Variants in PSD3 observed in about 807,000 individuals in gnomAD.
PSD3 encodes pleckstrin and Sec7 domain containing 3, also known as PH and SEC7 domain-containing protein 3.
A neutral mutation model predicts 105.5 loss-of-function variants in PSD3; 49 were observed. The ratio of observed to expected loss-of-function variants is 0.46; its 90% CI spans 0.37 to 0.59. The LOEUF (loss-of-function observed/expected upper bound fraction) is 0.59. Among genes scored for constraint, PSD3 ranks in the 20% least tolerant of loss-of-function variants. The pLI, the probability that PSD3 is intolerant of heterozygous loss-of-function variation, is 0.00. For synonymous variants in PSD3, 557 were observed against 457.8 expected, an observed-to-expected ratio of 1.22 and a Z score of -2.77; for missense variants, 1,561 against 1,263.8, an observed-to-expected ratio of 1.24 and a Z score of -3.57.
intron 1 of PSD3, among the ~76,000 whole-genome samples, chr8:19,048,283 C>T (rs751259518): frequency 6.6e-6 from 1 of 152,046 alleles, no homozygotes; most frequent in East Asian, 1.9e-4. Context: ...GAGTCCTGGC[C>T]GACATATCAA....
At chr8:18,784,007 T>A (rs373088651) in intron 8 of PSD3, among the ~76,000 whole-genome samples, 9 of 152,366 alleles carry the variant, frequency 5.9e-5, no homozygotes, top group African/African-American at 1.9e-4. Flanking sequence ...AGGAGTATAT[T>A]GTATGACTAC....
chr8:18,948,501 A>C (rs1823001615), intron 1 of PSD3, among the ~76,000 whole-genome samples: 1 of 152,174 alleles, frequency 6.6e-6, no homozygotes, highest in African/African-American at 2.4e-5. Flanking sequence ...CTTCTTTCTC[A>C]AAAAAATGGA....
chr8:18,936,089 G>C lies in PSD3; in HGVS notation c.75C>G (p.Ala25=). The change falls in exon 2 of 16, where the codon GCC becomes GCG. Residue 25 remains alanine (A), a synonymous_variant. Coordinates refer to ENST00000327040, the MANE Select transcript of PSD3 (RefSeq NM_015310.4). ...CAAATAAAAATTCATATTTGGCCTT[G>C]GCAACACTCTGGGAATGTGCAGATG... ...NNASAHSQSV[A]KAKYEFLFGR... is the part of the protein sequence containing the mutation. 3 of 1,613,232 alleles carry C rather than the reference G, an allele frequency of 1.9e-6. No homozygotes were observed. The highest frequency in any genetic ancestry group is 8.5e-7 in the Non-Finnish European group (1 of 1,179,764).
In PSD3 at chr8:18,622,042, G is replaced by C. The variant is rs1170485152; in HGVS notation, c.2410+10571C>G. Among the ~76,000 whole-genome samples, 5 of 152,100 alleles carry C rather than the reference G, an allele frequency of 3.3e-5. 1 individual carries two copies. Among genetic ancestry groups the C allele is most frequent in the Admixed American group, 2.6e-4 (4 of 15,272 alleles). ...AGGTGTGTAAATCCCTCTAAAGTGAGTGAACCTCTCCAACCTTGTCAAGGT... is the reference window on the plus strand; with the variant it reads ...AGGTGTGTAAATCCCTCTAAAGTGACTGAACCTCTCCAACCTTGTCAAGGT... On this transcript the variant is annotated intron_variant, in intron 11 of 15. Transcript: ENST00000327040.
Position 18,774,464 on chromosome 8 carries a change from C to G in PSD3, c.2083-8926G>C, listed in dbSNP as rs149179664. ...TCTACTGCAGTACTGAACAATACAT[C>G]GTGTTCCTTCTAACTGTATTTTTGT... On this transcript the variant is annotated intron_variant, in intron 8 of 15. Transcript: ENST00000327040. The G allele has an allele frequency of 2.0e-3, 433 of 214,688 alleles. 3 individuals carry two copies. Among genetic ancestry groups the G allele is most frequent in the African/African-American group, 8.7e-3 (373 of 42,944 alleles). 13.3% of individuals were successfully genotyped at this position (214,688 alleles called of 1,614,324 possible).
chr8:19,021,659 G>C (rs920731677), intron 1 of PSD3, among the ~76,000 whole-genome samples: 1 of 151,960 alleles, frequency 6.6e-6, no homozygotes, highest in Non-Finnish European at 1.5e-5. Context: ...TTCCATTCCT[G>C]GTTGACCAAA....
At chr8:18,731,865 T>C (rs1308200197) in intron 9 of PSD3, among the ~76,000 whole-genome samples, 3 of 152,164 alleles carry the variant, frequency 2.0e-5, no homozygotes, top group Non-Finnish European at 4.4e-5. Context: ...TAAATAAAAA[T>C]GTTTACCCTA....
intron 9 of PSD3, among the ~76,000 whole-genome samples, chr8:18,735,907 C>A (rs1164030419): frequency 6.6e-6 from 1 of 151,954 alleles, no homozygotes; most frequent in African/African-American, 2.4e-5. Flanking sequence ...CAAAGATTGT[C>A]AAGCAGAATT....
rs138993808 is a variant in PSD3, at chr8:18,881,825, A to T, written c.131-9092T>A. 2.5e-3 allele frequency among the ~76,000 whole-genome samples: 386 copies of T among 152,348 alleles called. 1 individual carries two copies. The highest frequency in any genetic ancestry group is 9.0e-3 in the African/African-American group (376 of 41,580). The stretch of plus-strand genomic sequence containing the variant: ...TTGCTTTCTTTACAATTATATCTCC[A>T]GAGCCTATAACAATTTTACCTAGCA... On this transcript the variant is annotated intron_variant, in intron 2 of 15. Transcript: ENST00000327040.
intron 15 of PSD3, among the ~76,000 whole-genome samples, chr8:18,544,728 G>T (rs1800356925): frequency 6.6e-6 from 1 of 152,234 alleles, no homozygotes; most frequent in South Asian, 2.1e-4. Flanking sequence ...AGGAGGCCTG[G>T]GTCTGTAGAA....
At chr8:18,962,227 C>A (rs765212575) in intron 1 of PSD3, among the ~76,000 whole-genome samples, 1 of 151,382 alleles carries the variant, frequency 6.6e-6, no homozygotes, top group African/African-American at 2.4e-5. Context: ...GCATGGGTGA[C>A]AAGAGCGAGA....
intron 12 of PSD3, among the ~76,000 whole-genome samples, chr8:18,577,502 T>G (rs572082772): frequency 1.3e-5 from 2 of 152,228 alleles, no homozygotes; most frequent in Admixed American, 6.5e-5. Flanking sequence ...TCTTGTTGCA[T>G]TTCTGATAAG....
chr8:18,655,222 G>A lies in PSD3; in HGVS notation c.2216+420C>T, dbSNP rs113326869. ...TGGGCGCCTGTAGTCCCAGCTACTC[G>A]GGAGGCTGAGGCAGGAGAATGGCGT... On this transcript the variant is annotated intron_variant, in intron 10 of 15. Coordinates refer to ENST00000327040, the MANE Select transcript of PSD3 (RefSeq NM_015310.4). Among the ~76,000 whole-genome samples, 544 of 151,382 alleles carry A rather than the reference G, an allele frequency of 3.6e-3. 13 individuals are homozygous for A. In the East Asian group the frequency reaches 0.059, roughly 16 times the overall value.
intron 12 of PSD3, among the ~76,000 whole-genome samples, chr8:18,577,745 T>G (rs1008657117): frequency 1.3e-5 from 2 of 152,112 alleles, no homozygotes; most frequent in African/African-American, 2.4e-5. Flanking sequence ...TTCTGCAATC[T>G]TACTAAAATT....
intron 1 of PSD3, among the ~76,000 whole-genome samples, chr8:19,062,460 A>G (rs1828935602): frequency 6.6e-6 from 1 of 152,216 alleles, no homozygotes; most frequent in Non-Finnish European, 1.5e-5. Flanking sequence ...CAAGTCATGC[A>G]GTTAAGAACA....
chr8:18,805,043 T>C, intron 4 of PSD3, 145 bp from the exon 5 acceptor site: 1 of 741,412 alleles, frequency 1.3e-6, no homozygotes, highest in Non-Finnish European at 2.1e-6. Context: ...TAAAAATTTT[T>C]TCAGTTACCA....
At chr8:18,813,704 G>A (rs1431667363) in intron 4 of PSD3, among the ~76,000 whole-genome samples, 2 of 152,122 alleles carry the variant, frequency 1.3e-5, no homozygotes, top group Admixed American at 1.3e-4. Flanking sequence ...TCAAACACTG[G>A]CTCCAGTGGT....
intron 9 of PSD3, among the ~76,000 whole-genome samples, chr8:18,728,650 A>C (rs1430277812): frequency 6.6e-6 from 1 of 152,208 alleles, no homozygotes; most frequent in Non-Finnish European, 1.5e-5. Flanking sequence ...CCAGACTTTC[A>C]AGGGCCAAGC....
chr8:18,935,970 A>G, intron 2 of PSD3, 64 bp downstream of exon 2: 1 of 1,063,026 alleles, frequency 9.4e-7, no homozygotes, highest in Non-Finnish European at 1.4e-6. Flanking sequence ...GTGGAGAAAA[A>G]TCACTTTGAA....
Sources: gnomAD v4.1 joint callset for allele counts (sites outside exome capture counted in the v4.1 genomes callset) on GRCh38, gnomAD v4.1.1 for gene constraint, MANE v1.5 for transcripts, NCBI Gene and HGNC (gene_info 2026-07-23, HGNC 2026-07-21) for gene names.